GSK3B: variants seen among roughly 807,000 people sequenced by gnomAD.
The protein encoded by GSK3B is glycogen synthase kinase 3 beta.
A neutral mutation model predicts 56.4 loss-of-function variants in GSK3B; 15 were observed. The observed-to-expected ratio is 0.27, with a 90% confidence interval of 0.18 to 0.41. GSK3B has a LOEUF of 0.41. Ranked by LOEUF, GSK3B falls within the 10% of genes least tolerant of loss-of-function variation. GSK3B has a pLI of 1.00. For missense variants in GSK3B, 300 were observed against 513.4 expected (o/e 0.58, Z 4.02); for synonymous variants, 181 against 188.9 (o/e 0.96, Z 0.34).
intron 2 of GSK3B, among the ~76,000 whole-genome samples, chr3:119,961,201 A>T (rs2057268275): frequency 6.6e-6 from 1 of 152,114 alleles, no homozygotes; most frequent in African/African-American, 2.4e-5. Context: ...AAGGTTAAAA[A>T]CTGATCAAGA....
rs201953824 is a variant in GSK3B, at chr3:119,843,399, G to A, written c.1097-46C>T. On this transcript the variant is annotated intron_variant, in intron 9 of 10. Coordinates refer to ENST00000264235, the MANE Select transcript of GSK3B (RefSeq NM_001146156.2). ...AATGTTAGAGTCCACTCTTAACTTT[G>A]TATGCAAAACTATTTTATTGGTAAG... 2.8e-6 allele frequency: 3 copies of A among 1,052,864 alleles called. No homozygotes were observed. The African/African-American group carries it at 4.7e-5, about 17-fold the overall frequency. The allele number at this position is 1,052,864 out of a possible 1,614,324, so 65.2% of individuals were successfully genotyped here. A position where few individuals can be genotyped will look rare whatever the true frequency, so the allele number is the denominator to read the frequency against.
At chr3:119,984,139 A>C (rs1176688342) in intron 2 of GSK3B, among the ~76,000 whole-genome samples, 1 of 152,250 alleles carries the variant, frequency 6.6e-6, no homozygotes, top group East Asian at 1.9e-4. Flanking sequence ...GCAGAAATAA[A>C]GATATTCTCT....
At chr3:120,018,712 C>T (rs2057847859) in intron 1 of GSK3B, among the ~76,000 whole-genome samples, 1 of 152,142 alleles carries the variant, frequency 6.6e-6, no homozygotes, top group Non-Finnish European at 1.5e-5. Context: ...AGAGTCTTTA[C>T]ATCTTCTAAT....
chr3:119,858,763 T>C (rs2056057471), intron 9 of GSK3B, among the ~76,000 whole-genome samples: 1 of 152,172 alleles, frequency 6.6e-6, no homozygotes, highest in Admixed American at 6.6e-5. Context: ...ACTTTTGATT[T>C]AAAGGGAGAG....
At chr3:120,008,954 A>G (rs568336733) in intron 1 of GSK3B, among the ~76,000 whole-genome samples, 81 of 152,196 alleles carry the variant, frequency 5.3e-4, no homozygotes, top group Non-Finnish European at 2.1e-4. Context: ...GGCTAATATA[A>G]AGAATCTACA....
chr3:119,986,251 A>G (rs529385272), intron 2 of GSK3B, among the ~76,000 whole-genome samples: 2 of 152,296 alleles, frequency 1.3e-5, no homozygotes, highest in East Asian at 1.9e-4. Context: ...AACCTAGGCA[A>G]TATCATTCAG....
intron 1 of GSK3B, among the ~76,000 whole-genome samples, chr3:120,049,388 A>G (rs1468512730): frequency 1.3e-5 from 2 of 152,216 alleles, no homozygotes. Flanking sequence ...AATGTTAAAT[A>G]CAACAAAAGC....
chr3:119,972,353 A>G (rs1407131368), intron 2 of GSK3B, among the ~76,000 whole-genome samples: 1 of 152,212 alleles, frequency 6.6e-6, no homozygotes, highest in Non-Finnish European at 1.5e-5. Context: ...ACAGAAAAAG[A>G]TTTAGAAGGA....
chr3:119,915,452 A>C (rs1224487328), intron 5 of GSK3B, among the ~76,000 whole-genome samples: 1 of 152,170 alleles, frequency 6.6e-6, no homozygotes, highest in African/African-American at 2.4e-5. Flanking sequence ...ACTACATTAT[A>C]TTCCCAAAGA....
intron 2 of GSK3B, among the ~76,000 whole-genome samples, chr3:119,959,738 A>C (rs2057252517): frequency 6.6e-6 from 1 of 151,738 alleles, no homozygotes; most frequent in Admixed American, 6.6e-5. Flanking sequence ...GCTGGTCTTG[A>C]ACTCGTGACC....
intron 10 of GSK3B, among the ~76,000 whole-genome samples, chr3:119,840,567 C>T (rs1478173375): frequency 6.6e-6 from 1 of 152,116 alleles, no homozygotes; most frequent in Admixed American, 6.6e-5. Flanking sequence ...ATGTAACTCA[C>T]AATGACAAAT....
chr3:120,037,519 C>A (rs1231641157), intron 1 of GSK3B, among the ~76,000 whole-genome samples: 1 of 151,950 alleles, frequency 6.6e-6, no homozygotes, highest in Non-Finnish European at 1.5e-5. Flanking sequence ...ATTAAGCAAG[C>A]CGGTAGTGTG....
rs2055439339 is a variant in GSK3B at position 119,823,117 on chromosome 3, GATGTTTCAAAAAT to G, written c.*3658_*3670del. On this transcript the variant is annotated 3_prime_UTR_variant, in exon 11 of 11. Transcript: ENST00000264235. Reference sequence around the variant, plus strand: ...TTCTGCCTTGCTGGAATGAACACACGATGTTTCAAAAATAGTAACCTTTGGTTTGGTAGTTTTT... The same window carrying G: ...TTCTGCCTTGCTGGAATGAACACACGAGTAACCTTTGGTTTGGTAGTTTTT... The G allele has an allele frequency of 4.4e-6, 1 of 229,376 alleles. No homozygotes were observed. Among genetic ancestry groups the G allele is most frequent in the Non-Finnish European group, 8.6e-6 (1 of 115,726 alleles). The allele number at this position is 229,376 out of a possible 1,614,324, so 14.2% of individuals were successfully genotyped here. A position where few individuals can be genotyped will look rare whatever the true frequency, so the allele number is the denominator to read the frequency against.
At chr3:120,053,453 A>AT (rs2058167118) in intron 1 of GSK3B, among the ~76,000 whole-genome samples, 1 of 152,190 alleles carries the variant, frequency 6.6e-6, no homozygotes, top group South Asian at 2.1e-4. Context: ...AATTCTAACA[A>AT]TTTGGTAATG....
intron 2 of GSK3B, among the ~76,000 whole-genome samples, chr3:119,960,703 G>T (rs1311244832): frequency 1.3e-5 from 2 of 152,042 alleles, no homozygotes; most frequent in Non-Finnish European, 2.9e-5. Context: ...ATTTAAAATT[G>T]CAACCTCAAC....
At chr3:119,886,436 T>C (rs1417003649) in intron 7 of GSK3B, among the ~76,000 whole-genome samples, 1 of 152,182 alleles carries the variant, frequency 6.6e-6, no homozygotes, top group African/African-American at 2.4e-5. Flanking sequence ...TATATGCTAT[T>C]GGTGGGAATG....
intron 8 of GSK3B, among the ~76,000 whole-genome samples, chr3:119,874,347 C>T (rs2056282848): frequency 6.6e-6 from 1 of 151,902 alleles, no homozygotes; most frequent in Admixed American, 6.6e-5. Context: ...ATAAATTAGG[C>T]ACAGTAAGAG....
At chr3:120,022,778 T>A (rs1240963451) in intron 1 of GSK3B, among the ~76,000 whole-genome samples, 1 of 152,178 alleles carries the variant, frequency 6.6e-6, no homozygotes, top group African/African-American at 2.4e-5. Context: ...CTCTATTAAA[T>A]AAAAGACACT....
intron 1 of GSK3B, chr3:120,028,858 G>T: frequency 2.3e-6 from 1 of 443,252 alleles, no homozygotes; most frequent in South Asian, 2.3e-5. Flanking sequence ...CGGCTGCTCA[G>T]ACGCAGGTTT....
Sources: allele counts gnomAD v4.1 joint callset (sites outside exome capture counted in the v4.1 genomes callset), GRCh38; gene constraint gnomAD v4.1.1; transcripts MANE v1.5; gene names NCBI Gene and HGNC (gene_info 2026-07-23, HGNC 2026-07-21).